Variants in BACH2 observed in about 807,000 individuals in gnomAD.
The protein encoded by BACH2 is BACH transcriptional regulator 2.
A neutral mutation model predicts 61.8 loss-of-function variants in BACH2; 5 were observed. The observed-to-expected ratio is 0.08, with a 90% CI of 0.04 to 0.17. The LOEUF (loss-of-function observed/expected upper bound fraction) is 0.17. Among genes scored for constraint, BACH2 ranks in the 10% least tolerant of loss-of-function variants. BACH2 has a pLI of 1.00. For synonymous variants in BACH2, 446 were observed against 440.1 expected, an observed-to-expected ratio of 1.01 and a Z score of -0.17; for missense variants, 824 against 1,091.1, an observed-to-expected ratio of 0.76 and a Z score of 3.45.
chr6:90,053,679 G>A (rs553857287), intron 5 of BACH2, among the ~76,000 whole-genome samples: 9 of 152,268 alleles, frequency 5.9e-5, no homozygotes, highest in Non-Finnish European at 7.4e-5. Context: ...CATTTTGAAG[G>A]TTATTTTTGC....
chr6:90,155,695 C>T (rs1184456801), intron 4 of BACH2, among the ~76,000 whole-genome samples: 1 of 152,184 alleles, frequency 6.6e-6, no homozygotes, highest in Admixed American at 6.5e-5. Flanking sequence ...CTCCTCTTTC[C>T]TGCTCTGTTT....
chr6:90,219,917 CT>C (rs1207088315), intron 3 of BACH2, among the ~76,000 whole-genome samples: 1 of 151,914 alleles, frequency 6.6e-6, no homozygotes, highest in Admixed American at 6.6e-5. Context: ...GGTTTTGATT[CT>C]TTTTTCTGCA....
At chr6:90,130,098 T>C (rs1784029077) in intron 4 of BACH2, among the ~76,000 whole-genome samples, 1 of 152,160 alleles carries the variant, frequency 6.6e-6, no homozygotes, top group African/African-American at 2.4e-5. Context: ...CTCAAACCCC[T>C]GACCTCATGT....
At chr6:90,196,682 A>G (rs1228194003) in intron 4 of BACH2, among the ~76,000 whole-genome samples, 1 of 152,148 alleles carries the variant, frequency 6.6e-6, no homozygotes, top group Non-Finnish European at 1.5e-5. Context: ...AGTTCTCATT[A>G]ACAGGTGCTC....
At chr6:90,017,691 A>G (rs1414872475) in intron 5 of BACH2, among the ~76,000 whole-genome samples, 2 of 152,180 alleles carry the variant, frequency 1.3e-5, no homozygotes, top group East Asian at 1.9e-4. Context: ...TCTCTACTTA[A>G]GATGTTCAAT....
intron 6 of BACH2, among the ~76,000 whole-genome samples, chr6:90,002,020 A>C (rs1465557614): frequency 6.6e-6 from 1 of 152,218 alleles, no homozygotes; most frequent in Non-Finnish European, 1.5e-5. Flanking sequence ...TGCTCCCCCA[A>C]AAGTGCTCAA....
At chr6:90,283,191 T>C (rs1771910116) in intron 1 of BACH2, among the ~76,000 whole-genome samples, 1 of 152,202 alleles carries the variant, frequency 6.6e-6, no homozygotes, top group Non-Finnish European at 1.5e-5. Flanking sequence ...ATGTACAGTA[T>C]CATTTTTCTT....
At chr6:90,074,363 T>C (rs1393887102) in intron 5 of BACH2, among the ~76,000 whole-genome samples, 1 of 152,204 alleles carries the variant, frequency 6.6e-6, no homozygotes, top group Non-Finnish European at 1.5e-5. Context: ...GTTGTTTGCA[T>C]TTTTCCCCTC....
At chr6:90,188,521 C>T (rs1008164350) in intron 4 of BACH2, among the ~76,000 whole-genome samples, 1 of 150,738 alleles carries the variant, frequency 6.6e-6, no homozygotes, top group Admixed American at 6.6e-5. Context: ...AAATAAAACA[C>T]GAAGAAAAAA....
chr6:89,963,147 T>G (rs993034895), intron 6 of BACH2, among the ~76,000 whole-genome samples: 1 of 152,188 alleles, frequency 6.6e-6, no homozygotes, highest in Non-Finnish European at 1.5e-5. Context: ...TCAACGTCAC[T>G]AATTAACAGA....
chr6:90,175,390 T>G (rs1767952695), intron 4 of BACH2, among the ~76,000 whole-genome samples: 1 of 152,232 alleles, frequency 6.6e-6, no homozygotes, highest in Non-Finnish European at 1.5e-5. Context: ...TACAACCATT[T>G]TGTTTTCACA....
intron 4 of BACH2, among the ~76,000 whole-genome samples, chr6:90,123,499 G>A (rs564860623): frequency 8.5e-5 from 13 of 152,208 alleles, no homozygotes; most frequent in Admixed American, 5.9e-4. Context: ...GGCCGGGCGC[G>A]GTGGCTCACG....
intron 6 of BACH2, among the ~76,000 whole-genome samples, chr6:89,960,206 C>G (rs1489983855): frequency 2.0e-5 from 3 of 152,194 alleles, no homozygotes; most frequent in Non-Finnish European, 4.4e-5. Flanking sequence ...AACCAATTTC[C>G]TGTTTTATAG....
intron 6 of BACH2, among the ~76,000 whole-genome samples, chr6:89,998,165 A>G (rs1262805969): frequency 3.2e-5 from 3 of 93,746 alleles, no homozygotes; most frequent in Non-Finnish European, 7.9e-5. Flanking sequence ...GCTAAATCCC[A>G]GCATTTTTTT....
intron 3 of BACH2, among the ~76,000 whole-genome samples, chr6:90,209,810 T>C (rs543762024): frequency 6.6e-6 from 1 of 152,340 alleles, no homozygotes; most frequent in African/African-American, 2.4e-5. Context: ...TTCATGTATG[T>C]TGTTTTACAA....
At chr6:90,204,542 A>G (rs1769074118) in intron 4 of BACH2, among the ~76,000 whole-genome samples, 1 of 152,144 alleles carries the variant, frequency 6.6e-6, no homozygotes, top group Admixed American at 6.5e-5. Context: ...TAATATCCCA[A>G]GCAACAGACA....
At chr6:90,265,345 T>A (rs1004620081) in intron 2 of BACH2, among the ~76,000 whole-genome samples, 4 of 152,192 alleles carry the variant, frequency 2.6e-5, no homozygotes, top group Admixed American at 1.3e-4. Context: ...CTAAACCACT[T>A]TGGAGGGCAA....
At chr6:89,991,887 T>C (rs1176916831) in intron 6 of BACH2, among the ~76,000 whole-genome samples, 1 of 152,220 alleles carries the variant, frequency 6.6e-6, no homozygotes, top group Non-Finnish European at 1.5e-5. Flanking sequence ...TGTCTAGTCA[T>C]AGCATTATGT....
chr6:90,103,029 A>ATATATATATATTTT, intron 4 of BACH2, among the ~76,000 whole-genome samples: 4 of 21,164 alleles, frequency 1.9e-4, no homozygotes, highest in East Asian at 7.4e-4. Flanking sequence ...ATATATATAT[A>ATATATATATATTTT]TTTTTTTTTT....
Sources: gnomAD v4.1 joint callset for allele counts (sites outside exome capture counted in the v4.1 genomes callset) on GRCh38, gnomAD v4.1.1 for gene constraint, MANE v1.5 for transcripts, NCBI Gene and HGNC (gene_info 2026-07-23, HGNC 2026-07-21) for gene names.